NR2F1-AS1: variants seen among roughly 807,000 people sequenced by gnomAD.
NR2F1-AS1 encodes the protein NR2F1 antisense RNA 1.
At chr5:93,537,550 A>C (rs1053195783) in intron 4 of NR2F1-AS1, among the ~76,000 whole-genome samples, 16 of 152,190 alleles carry the variant, frequency 1.1e-4, no homozygotes, top group African/African-American at 3.9e-4. Context: ...AGGTATATGA[A>C]AAAATGCTCA....
chr5:93,459,005 T>G (rs1750026506), intron 4 of NR2F1-AS1, among the ~76,000 whole-genome samples: 1 of 151,372 alleles, frequency 6.6e-6, no homozygotes, highest in South Asian at 2.1e-4. Context: ...GAGTGAGACT[T>G]CATCTCAAAA....
chr5:93,462,675 A>G (rs1159690931), intron 4 of NR2F1-AS1, among the ~76,000 whole-genome samples: 1 of 152,178 alleles, frequency 6.6e-6, no homozygotes, highest in Non-Finnish European at 1.5e-5. Flanking sequence ...TGATAATGAT[A>G]TGGACAATGA....
At chr5:93,450,535 T>C (rs1027112445) in intron 4 of NR2F1-AS1, among the ~76,000 whole-genome samples, 1 of 152,160 alleles carries the variant, frequency 6.6e-6, no homozygotes, top group Admixed American at 6.5e-5. Context: ...CTTATAACTA[T>C]AGGGCCAGAT....
At chr5:93,436,215 CAACA>C (rs1333155502) in intron 4 of NR2F1-AS1, among the ~76,000 whole-genome samples, 2 of 152,106 alleles carry the variant, frequency 1.3e-5, no homozygotes, top group South Asian at 2.1e-4. Context: ...AGAAAACCCT[CAACA>C]AACAATCACA....
intron 4 of NR2F1-AS1, among the ~76,000 whole-genome samples, chr5:93,431,026 T>C (rs190468467): frequency 6.6e-5 from 10 of 152,210 alleles, no homozygotes; most frequent in African/African-American, 1.9e-4. Flanking sequence ...AGAAGGGAAA[T>C]GTATGTTTCA....
chr5:93,518,422 G>A (rs887542420), intron 4 of NR2F1-AS1, among the ~76,000 whole-genome samples: 2 of 152,172 alleles, frequency 1.3e-5, no homozygotes, highest in African/African-American at 4.8e-5. Flanking sequence ...TTTTCACAAT[G>A]ATGATTTCAC....
intron 4 of NR2F1-AS1, among the ~76,000 whole-genome samples, chr5:93,502,859 TG>T (rs1038957363): frequency 6.6e-6 from 1 of 152,020 alleles, no homozygotes; most frequent in Non-Finnish European, 1.5e-5. Context: ...TATTATCAAA[TG>T]AAAAAAACTA....
At chr5:93,516,229 G>C (rs967201321) in intron 4 of NR2F1-AS1, among the ~76,000 whole-genome samples, 1 of 151,788 alleles carries the variant, frequency 6.6e-6, no homozygotes, top group Non-Finnish European at 1.5e-5. Context: ...CAAAAGGTAA[G>C]ATTACAAGAC....
chr5:93,510,442 C>A (rs1580289157), intron 4 of NR2F1-AS1, among the ~76,000 whole-genome samples: 1 of 152,104 alleles, frequency 6.6e-6, no homozygotes, highest in African/African-American at 2.4e-5. Flanking sequence ...CTCCTCCTTG[C>A]CCATAGAAAA....
intron 4 of NR2F1-AS1, among the ~76,000 whole-genome samples, chr5:93,538,672 A>G (rs1580314541): frequency 6.6e-6 from 1 of 152,182 alleles, no homozygotes; most frequent in Non-Finnish European, 1.5e-5. Context: ...CATTGCCACT[A>G]CAGCCACTGT....
intron 4 of NR2F1-AS1, among the ~76,000 whole-genome samples, chr5:93,501,355 A>AT (rs1489387220): frequency 4.3e-4 from 10 of 23,312 alleles, no homozygotes; most frequent in Non-Finnish European, 7.4e-4. Flanking sequence ...TGTTTGGGGG[A>AT]ATTTTTTTTT....
Position 93,482,200 on chromosome 5 carries a change from G to T in NR2F1-AS1, n.638+71561C>A, listed in dbSNP as rs1750614605. 2.6e-5 allele frequency among the ~76,000 whole-genome samples: 4 copies of T among 152,144 alleles called. No homozygotes were observed. The South Asian group carries it at 8.3e-4, about 32-fold the overall frequency. On this transcript the variant is annotated intron_variant and non_coding_transcript_variant, in intron 4 of 5. Coordinates refer to ENST00000660523, the Ensembl canonical transcript of NR2F1-AS1. ...GAAAAGCTCTGGTCTACAGCTCCCA[G>T]TGAGACTAACACAGGAGGCAGGTGA...
intron 4 of NR2F1-AS1, among the ~76,000 whole-genome samples, chr5:93,430,466 G>A (rs1481236992): frequency 6.6e-6 from 1 of 152,104 alleles, no homozygotes; most frequent in African/African-American, 2.4e-5. Flanking sequence ...TGATTGCAAA[G>A]CTCCAAATAA....
At chr5:93,413,063 G>GGTGTGTGTGTGT (rs71613591) in intron 4 of NR2F1-AS1, among the ~76,000 whole-genome samples, 3 of 139,194 alleles carry the variant, frequency 2.2e-5, no homozygotes, top group African/African-American at 5.3e-5. Flanking sequence ...ATAGCACTAT[G>GGTGTGTGTGTGT]GTGTGTGTGT....
intron 4 of NR2F1-AS1, among the ~76,000 whole-genome samples, chr5:93,549,478 G>A (rs1270959232): frequency 2.0e-5 from 3 of 152,088 alleles, no homozygotes; most frequent in African/African-American, 7.2e-5. Context: ...CAATTCTATG[G>A]TCCTTATATA....
chr5:93,435,992 C>G (rs1035693663), intron 4 of NR2F1-AS1, among the ~76,000 whole-genome samples: 1 of 152,170 alleles, frequency 6.6e-6, no homozygotes, highest in African/African-American at 2.4e-5. Context: ...ATACTATTCC[C>G]CATAACACAT....
chr5:93,447,126 T>C (rs1296407569), intron 4 of NR2F1-AS1, among the ~76,000 whole-genome samples: 1 of 152,070 alleles, frequency 6.6e-6, no homozygotes, highest in Non-Finnish European at 1.5e-5. Flanking sequence ...GCAATACCAT[T>C]CAGGACATAG....
At chr5:93,418,101 A>G (rs182326250) in intron 4 of NR2F1-AS1, among the ~76,000 whole-genome samples, 1 of 152,134 alleles carries the variant, frequency 6.6e-6, no homozygotes, top group Non-Finnish European at 1.5e-5. Context: ...ATAGCCAACT[A>G]TTCTTTAGGC....
intron 4 of NR2F1-AS1, among the ~76,000 whole-genome samples, chr5:93,538,750 A>C (rs1751890840): frequency 6.6e-6 from 1 of 152,184 alleles, no homozygotes. Context: ...TTAAATATAC[A>C]TGTAATTCAC....
Sources: allele counts gnomAD v4.1 joint callset (sites outside exome capture counted in the v4.1 genomes callset), GRCh38; gene constraint gnomAD v4.1.1; transcripts MANE v1.5; gene names NCBI Gene and HGNC (gene_info 2026-07-23, HGNC 2026-07-21).